The following TSTD2 variants were observed in gnomAD, a reference collection of about 807,000 sequenced individuals.
TSTD2 encodes thiosulfate sulfurtransferase/rhodanese-like domain-containing protein 2.
A neutral mutation model predicts 47.9 loss-of-function variants in TSTD2; 37 were observed. That is an observed-to-expected ratio of 0.77 (90% CI 0.59 to 1.02). TSTD2 has a LOEUF of 1.02. Among genes scored for constraint, TSTD2 ranks in the 50% least tolerant of loss-of-function variants. The probability of loss-of-function intolerance (pLI) is 0.00; values close to 1 mark genes in which losing one functional copy is unlikely to be tolerated. For missense variants in TSTD2, 586 were observed against 616.0 expected, an observed-to-expected ratio of 0.95 and a Z score of 0.52; for synonymous variants, 201 against 215.9, an observed-to-expected ratio of 0.93 and a Z score of 0.61.
chr9:97,627,271 A>ATT, intron 2 of TSTD2, 127 bp downstream of exon 2: 1 of 1,410,492 alleles, frequency 7.1e-7, no homozygotes, highest in South Asian at 1.6e-5. Flanking sequence ...GGATGGAATT[A>ATT]ACATCACTGG....
chr9:97,610,459 A>C lies in TSTD2; in HGVS notation c.730-8T>G, dbSNP rs1826439844. ...AGCTCCTCCTTTGCTGGTCTAGCCA[A>C]TGAGAAACAAAACAGAATACAGTCT... On this transcript the variant is annotated splice_polypyrimidine_tract_variant and splice_region_variant and intron_variant, in intron 5 of 9. Coordinates refer to ENST00000341170, the MANE Select transcript of TSTD2 (RefSeq NM_139246.5). The C allele has an allele frequency of 6.5e-7, 1 of 1,542,972 alleles. No individual in the cohort carries two copies. Among genetic ancestry groups the C allele is most frequent in the African/African-American group, 1.4e-5 (1 of 71,528 alleles).
chr9:97,614,304 C>T (rs552623735), intron 4 of TSTD2, among the ~76,000 whole-genome samples: 266 of 152,072 alleles, frequency 1.7e-3, no homozygotes, highest in Non-Finnish European at 3.1e-3. Context: ...CCATCGATAA[C>T]CCTACATGCC....
chr9:97,625,624 T>C (rs1325882476), intron 3 of TSTD2, 57 bp downstream of exon 3: 1 of 1,499,188 alleles, frequency 6.7e-7, no homozygotes, highest in African/African-American at 1.4e-5. Context: ...TTGTAGTATC[T>C]CATTGTGGTT....
At chr9:97,619,532 G>A (rs1353546257) in intron 3 of TSTD2, among the ~76,000 whole-genome samples, 1 of 151,672 alleles carries the variant, frequency 6.6e-6, no homozygotes, top group Non-Finnish European at 1.5e-5. Flanking sequence ...TGTAGGGCAG[G>A]GTCTTACTAT....
intron 4 of TSTD2, among the ~76,000 whole-genome samples, chr9:97,613,115 T>C (rs1457245372): frequency 6.6e-6 from 1 of 152,202 alleles, no homozygotes; most frequent in Non-Finnish European, 1.5e-5. Context: ...GTGAGAAAGT[T>C]AATTGACTTC....
At chr9:97,626,745 A>G (rs1387429050) in intron 2 of TSTD2, among the ~76,000 whole-genome samples, 1 of 152,238 alleles carries the variant, frequency 6.6e-6, no homozygotes, top group Admixed American at 6.5e-5. Flanking sequence ...TGAGGGGTCA[A>G]AGAACATGAA....
intron 6 of TSTD2, among the ~76,000 whole-genome samples, chr9:97,610,021 C>G (rs1483487524): frequency 6.6e-6 from 1 of 152,150 alleles, no homozygotes; most frequent in Non-Finnish European, 1.5e-5. Flanking sequence ...AGCAAAAGGC[C>G]TATTTGCTCT....
chr9:97,609,193 A>G (rs1435169326), intron 6 of TSTD2, among the ~76,000 whole-genome samples: 2 of 152,240 alleles, frequency 1.3e-5, no homozygotes, highest in South Asian at 2.1e-4. Flanking sequence ...GATATACTGC[A>G]TTAAGAAAAC....
chr9:97,615,299 A>G (rs190400855), intron 4 of TSTD2, among the ~76,000 whole-genome samples: 501 of 152,380 alleles, frequency 3.3e-3, no homozygotes, highest in African/African-American at 0.012. Flanking sequence ...GAAGCATTAC[A>G]TTATAATCCT....
Position 97,602,534 on chromosome 9 carries a change from C to G in TSTD2, c.1486G>C (p.Val496Leu). 1 of 1,614,188 alleles carries G rather than the reference C, an allele frequency of 6.2e-7. No homozygotes were observed. The highest frequency in any genetic ancestry group is 8.5e-7 in the Non-Finnish European group (1 of 1,180,002). Residue 496 changes from valine to leucine, a missense_variant, in exon 10 of 10, where the codon GTG becomes CTG. Physicochemically the swap from Val to Leu is conservative, Grantham distance 32. Transcript: ENST00000341170. ...PRIPRELLQHVRQPVSPEPGP... is the reference protein window; with the variant it reads ...PRIPRELLQHLRQPVSPEPGP... ...GGCTCTGGGCTCACAGGCTGTCGCACATGCTGCAAGAGTTCCCTAGGTATG... is the reference window on the plus strand; with the variant it reads ...GGCTCTGGGCTCACAGGCTGTCGCAGATGCTGCAAGAGTTCCCTAGGTATG...
Position 97,601,684 on chromosome 9 carries a change from T to C in TSTD2, c.*785A>G. On this transcript the variant is annotated 3_prime_UTR_variant, in exon 10 of 10. Transcript: ENST00000341170. ...CTGTTGCAACTATTCAACTCTGCCATAGATCATGTGTAAAGGAATGGGTGT... is the reference window on the plus strand; with the variant it reads ...CTGTTGCAACTATTCAACTCTGCCACAGATCATGTGTAAAGGAATGGGTGT... 1.7e-6 allele frequency: 1 copy of C among 605,822 alleles called. No individual in the cohort carries two copies. Among genetic ancestry groups the C allele is most frequent in the South Asian group, 7.3e-5 (1 of 13,778 alleles). 37.5% of individuals were successfully genotyped at this position (605,822 alleles called of 1,614,324 possible). A position where few individuals can be genotyped will look rare whatever the true frequency, so the allele number is the denominator to read the frequency against.
chr9:97,613,122 C>T (rs2131310050), intron 4 of TSTD2, among the ~76,000 whole-genome samples: 1 of 152,324 alleles, frequency 6.6e-6, no homozygotes, highest in Non-Finnish European at 1.5e-5. Context: ...AGTTAATTGA[C>T]TTCTCTGAAT....
At chr9:97,632,227 C>T (rs867733489) in intron 1 of TSTD2, among the ~76,000 whole-genome samples, 2 of 152,160 alleles carry the variant, frequency 1.3e-5, no homozygotes, top group Non-Finnish European at 2.9e-5. Context: ...AGATTTAGAA[C>T]CAGAGACCTT....
chr9:97,614,553 G>A (rs1456999927), intron 4 of TSTD2, among the ~76,000 whole-genome samples: 1 of 151,214 alleles, frequency 6.6e-6, no homozygotes, highest in African/African-American at 2.4e-5. Flanking sequence ...AAGCAGAAAG[G>A]GATAGAACGT....
chr9:97,610,310 G>A (rs1826436497), intron 6 of TSTD2, 36 bp downstream of exon 6: 3 of 1,566,400 alleles, frequency 1.9e-6, no homozygotes, highest in Admixed American at 3.6e-5. Flanking sequence ...TTTTGTCCCT[G>A]TGAATTAAAG....
chr9:97,627,834 CT>C (rs1826747379), intron 1 of TSTD2, among the ~76,000 whole-genome samples: 1 of 152,164 alleles, frequency 6.6e-6, no homozygotes, highest in African/African-American at 2.4e-5. Flanking sequence ...TTTCTGCCTG[CT>C]TAGAGTTTAC....
chr9:97,626,149 T>C (rs571284669), intron 2 of TSTD2, 152 bp from the exon 3 acceptor site: 1 of 763,940 alleles, frequency 1.3e-6, no homozygotes, highest in African/African-American at 1.8e-5. Flanking sequence ...GTAACACTTC[T>C]CTTATTAGTA....
intron 3 of TSTD2, among the ~76,000 whole-genome samples, chr9:97,621,559 G>A (rs778671935): frequency 6.6e-6 from 1 of 152,188 alleles, no homozygotes. Flanking sequence ...ATAACCCTGG[G>A]AAGGGAATGC....
intron 4 of TSTD2, among the ~76,000 whole-genome samples, chr9:97,613,327 T>A (rs1358111659): frequency 6.6e-6 from 1 of 152,154 alleles, no homozygotes; most frequent in African/African-American, 2.4e-5. Flanking sequence ...AAGTTCCACA[T>A]GGGTGTGTGT....
Sources: allele counts gnomAD v4.1 joint callset (sites outside exome capture counted in the v4.1 genomes callset), GRCh38; gene constraint gnomAD v4.1.1; transcripts MANE v1.5; gene names NCBI Gene and HGNC (gene_info 2026-07-23, HGNC 2026-07-21).